Variants in P2RY6 observed in about 807,000 individuals in gnomAD.
P2RY6 encodes the protein pyrimidinergic receptor P2Y6, also known as P2Y purinoceptor 6.
Under a neutral mutation model 16.3 loss-of-function variants are expected in P2RY6, and 19 were observed. The ratio of observed to expected loss-of-function variants is 1.16; its 90% CI spans 0.81 to 1.71. P2RY6 has a LOEUF of 1.71. Among genes scored for constraint, P2RY6 ranks in the 40% most tolerant of loss-of-function variants. The probability of loss-of-function intolerance (pLI) is 0.00; values close to 1 mark genes in which losing one functional copy is unlikely to be tolerated. For missense variants in P2RY6, 389 were observed against 455.5 expected, an observed-to-expected ratio of 0.85 and a Z score of 1.33; for synonymous variants, 184 against 201.5, an observed-to-expected ratio of 0.91 and a Z score of 0.74.
chr11:73,270,897 C>T (rs779259055), upstream of P2RY6, among the ~76,000 whole-genome samples: 4 of 152,146 alleles, frequency 2.6e-5, no homozygotes, highest in Admixed American at 2.0e-4. Context: ...CTGTCCGAGG[C>T]TGCAGCCCCC....
At chr11:73,278,999 C>A (rs1238311272) in intron 1 of P2RY6, among the ~76,000 whole-genome samples, 1 of 150,424 alleles carries the variant, frequency 6.6e-6, no homozygotes, top group Non-Finnish European at 1.5e-5. Flanking sequence ...CAAAGGTTTC[C>A]AGTTTCTCCA....
chr11:73,294,093 G>A (rs1565173274), intron 1 of P2RY6, among the ~76,000 whole-genome samples: 1 of 152,062 alleles, frequency 6.6e-6, no homozygotes, highest in East Asian at 1.9e-4. Context: ...AGTCTGCAAG[G>A]ACAGAGGGTT....
chr11:73,290,311 GAA>G (rs748988589), intron 1 of P2RY6, among the ~76,000 whole-genome samples: 1 of 67,468 alleles, frequency 1.5e-5, no homozygotes. Context: ...AGAAAAGAAA[GAA>G]AGAAAGAAAG....
rs371804194 is a variant in P2RY6, at chr11:73,290,547, A to G, written c.-120-5183A>G. Among the ~76,000 whole-genome samples, 21 of 152,342 alleles carry G rather than the reference A, an allele frequency of 1.4e-4. No individual in the cohort carries two copies. The East Asian group carries it at 3.5e-3, about 25-fold the overall frequency. ...CTCCCATCTGAGGCCCCCTCTTTGC[A>G]GAGCTCATCCATTGCTCTGGCTTCT... On this transcript the variant is annotated intron_variant, in intron 1 of 2. Coordinates refer to ENST00000540124, the MANE Select transcript of P2RY6 (RefSeq NM_001277204.2).
At chr11:73,288,548 G>T (rs945342999) in intron 1 of P2RY6, among the ~76,000 whole-genome samples, 1 of 152,214 alleles carries the variant, frequency 6.6e-6, no homozygotes, top group African/African-American at 2.4e-5. Context: ...ACTCCTCCAG[G>T]TGAGAGGACT....
intron 1 of P2RY6, chr11:73,292,791 G>A: frequency 1.0e-6 from 1 of 985,330 alleles, no homozygotes; most frequent in Non-Finnish European, 1.2e-6. Context: ...GGAAACAGAG[G>A]AAGCTGCTCA....
chr11:73,290,299 AAAGAAAAGAAAG>A lies in P2RY6; in HGVS notation c.-120-5428_-120-5417del, dbSNP rs1333878445. On this transcript the variant is annotated intron_variant, in intron 1 of 2. Coordinates refer to ENST00000540124, the MANE Select transcript of P2RY6 (RefSeq NM_001277204.2). ...AAAGGAAGGAAAGAAAGAAAGAAAG[AAAGAAAAGAAAG>A]AAAGAAAGAAAGAAAGAAAGAAAGA... Among the ~76,000 whole-genome samples the A allele has an allele frequency of 2.4e-3, 267 of 112,786 alleles. 1 individual carries two copies. The highest frequency in any genetic ancestry group is 9.0e-3 in the African/African-American group (241 of 26,806). The allele number at this position is 112,786 out of a possible 152,430, so 74.0% of individuals were successfully genotyped here.
At chr11:73,292,895 C>T (rs930670119) in intron 1 of P2RY6, 17 of 975,774 alleles carry the variant, frequency 1.7e-5, no homozygotes, top group Admixed American at 6.8e-5. Context: ...GGACCACCAG[C>T]GTGCTGCAGG....
rs115800648 is a variant in P2RY6, at chr11:73,286,222, G to A, written c.-120-9508G>A. 6.4e-3 allele frequency among the ~76,000 whole-genome samples: 969 copies of A among 152,264 alleles called. 12 individuals are homozygous for A. Among genetic ancestry groups the A allele is most frequent in the African/African-American group, 0.022 (909 of 41,552 alleles). ...CATTGACCCCTGGGTCCAGCTGGAC[G>A]TCTTATCACTGCCAGGTGGGCTCAG... is the stretch of plus-strand genomic sequence containing the variant. On this transcript the variant is annotated intron_variant, in intron 1 of 2. Transcript: ENST00000540124.
intron 1 of P2RY6, among the ~76,000 whole-genome samples, chr11:73,285,870 G>A (rs1863951778): frequency 6.6e-6 from 1 of 152,276 alleles, no homozygotes. Flanking sequence ...GATGGTCTTG[G>A]GACAACCTCT....
Position 73,296,582 on chromosome 11 carries a change from G to T in P2RY6, c.64G>T (p.Glu22Ter). The T allele has an allele frequency of 6.2e-7, 1 of 1,614,238 alleles. No homozygotes were observed. Among genetic ancestry groups the T allele is most frequent in the Non-Finnish European group, 8.5e-7 (1 of 1,180,048 alleles). ...GLPPTTCVYR[E>*]NFKQLLLPPV... The stretch of plus-strand genomic sequence containing the variant: ...GCCACCCACCACCTGTGTCTACCGC[G>T]AGAACTTCAAGCAACTGCTGCTGCC... The change falls in exon 3 of 3, where the codon GAG becomes TAG. Residue 22 changes from glutamate to a stop codon, truncating the protein, a stop_gained. Coordinates refer to ENST00000540124, the MANE Select transcript of P2RY6 (RefSeq NM_001277204.2). LOFTEE classifies it high-confidence loss of function.
chr11:73,275,174 G>A (rs1381707167), intron 1 of P2RY6, among the ~76,000 whole-genome samples: 1 of 152,266 alleles, frequency 6.6e-6, no homozygotes, highest in South Asian at 2.1e-4. Context: ...CTCCCCTTAG[G>A]AACTCAGGGG....
intron 1 of P2RY6, among the ~76,000 whole-genome samples, chr11:73,276,639 A>G (rs1863548922): frequency 6.6e-6 from 1 of 152,266 alleles, no homozygotes; most frequent in Non-Finnish European, 1.5e-5. Context: ...TTCAATTTGC[A>G]TAAAATGTCC....
rs1864312539 is a variant in P2RY6, at chr11:73,292,794, GC to G, written c.-120-2935del. 3 of 985,426 alleles carry G rather than the reference GC, an allele frequency of 3.0e-6. No homozygotes were observed. In the Middle Eastern group the frequency reaches 1.6e-3, roughly 515 times the overall value. The allele number at this position is 985,426 out of a possible 1,614,324, so 61.0% of individuals were successfully genotyped here. On this transcript the variant is annotated intron_variant, in intron 1 of 2. Coordinates refer to ENST00000540124, the MANE Select transcript of P2RY6 (RefSeq NM_001277204.2). ...ACAGCCCTGCCAGGAAACAGAGGAAGCTGCTCACTCTGTCAGAGAAGTTGCA... is the reference window on the plus strand; with the variant it reads ...ACAGCCCTGCCAGGAAACAGAGGAAGTGCTCACTCTGTCAGAGAAGTTGCA...
intron 1 of P2RY6, among the ~76,000 whole-genome samples, chr11:73,275,254 G>A (rs1863490970): frequency 6.6e-6 from 1 of 152,198 alleles, no homozygotes; most frequent in Non-Finnish European, 1.5e-5. Flanking sequence ...TGACTCCCAG[G>A]GCAGTGCCGG....
At chr11:73,265,042 T>C (rs1863056759) in intron 1 of P2RY6, among the ~76,000 whole-genome samples, 1 of 152,208 alleles carries the variant, frequency 6.6e-6, no homozygotes, top group African/African-American at 2.4e-5. Flanking sequence ...GTACACTCTG[T>C]GGCGGGAGCC....
upstream of P2RY6, among the ~76,000 whole-genome samples, chr11:73,268,151 G>A (rs1863167059): frequency 6.6e-6 from 1 of 152,272 alleles, no homozygotes; most frequent in African/African-American, 2.4e-5. Flanking sequence ...GGGGCTGGGT[G>A]TGCTGTGCAT....
At chr11:73,279,165 G>A (rs1350541962) in intron 1 of P2RY6, among the ~76,000 whole-genome samples, 1 of 150,216 alleles carries the variant, frequency 6.7e-6, no homozygotes, top group Non-Finnish European at 1.5e-5. Context: ...TTGGCCATTT[G>A]TATATCTTCT....
chr11:73,290,939 G>A (rs60910538), intron 1 of P2RY6, among the ~76,000 whole-genome samples: 3,670 of 152,268 alleles, frequency 0.024, 132 homozygotes, highest in African/African-American at 0.083. Context: ...AGGTCCTGAG[G>A]GCCCTCAAAC....
Sources: gnomAD v4.1 joint callset for allele counts (sites outside exome capture counted in the v4.1 genomes callset) on GRCh38, gnomAD v4.1.1 for gene constraint, MANE v1.5 for transcripts, NCBI Gene and HGNC (gene_info 2026-07-23, HGNC 2026-07-21) for gene names.